The following KHDRBS2 variants were observed in gnomAD, a reference collection of about 807,000 sequenced individuals.
The protein encoded by KHDRBS2 is KH RNA binding domain containing, signal transduction associated 2.
A neutral mutation model predicts 44.3 loss-of-function variants in KHDRBS2; 26 were observed. That is an observed-to-expected ratio of 0.59 (90% CI 0.43 to 0.81). The LOEUF is 0.81. Ranked by LOEUF, KHDRBS2 falls within the 40% of genes least tolerant of loss-of-function variation. The pLI, the probability that KHDRBS2 is intolerant of heterozygous loss-of-function variation, is 0.00. For missense variants in KHDRBS2, 476 were observed against 433.1 expected (o/e 1.10, Z -0.88); for synonymous variants, 194 against 151.1 (o/e 1.28, Z -2.08).
chr6:62,093,473 C>T (rs775036933), intron 2 of KHDRBS2, among the ~76,000 whole-genome samples: 1 of 151,852 alleles, frequency 6.6e-6, no homozygotes, highest in Non-Finnish European at 1.5e-5. Flanking sequence ...AAACATTTAT[C>T]ATTTCTTTGT....
At chr6:62,262,022 TAA>T (rs1838428962) in intron 1 of KHDRBS2, among the ~76,000 whole-genome samples, 1 of 151,768 alleles carries the variant, frequency 6.6e-6, no homozygotes, top group African/African-American at 2.4e-5. Flanking sequence ...TGTAAGATAA[TAA>T]TTTCCATTGA....
chr6:61,850,791 T>A (rs898416478), intron 6 of KHDRBS2, among the ~76,000 whole-genome samples: 3 of 152,022 alleles, frequency 2.0e-5, no homozygotes, highest in African/African-American at 7.2e-5. Flanking sequence ...GAGACAGTCA[T>A]GAGATCTAGG....
intron 4 of KHDRBS2, among the ~76,000 whole-genome samples, chr6:61,967,179 G>GTA (rs1229687971): frequency 1.4e-5 from 2 of 141,800 alleles, no homozygotes; most frequent in Non-Finnish European, 3.0e-5. Context: ...TTAGATTGGA[G>GTA]TAGGATTTCT....
At chr6:62,097,194 C>A (rs1477946317) in intron 2 of KHDRBS2, among the ~76,000 whole-genome samples, 1 of 151,590 alleles carries the variant, frequency 6.6e-6, no homozygotes, top group Non-Finnish European at 1.5e-5. Flanking sequence ...GAGTAGAGTG[C>A]GTATTCTGAA....
the KHDRBS2 span, among the ~76,000 whole-genome samples, chr6:61,611,924 T>C: frequency 1.3e-5 from 2 of 152,182 alleles, no homozygotes; most frequent in Admixed American, 6.5e-5. Context: ...AGTGAGAACA[T>C]GCAGTATTCT....
At chr6:61,806,565 T>C (rs920571867) in intron 6 of KHDRBS2, among the ~76,000 whole-genome samples, 2 of 152,184 alleles carry the variant, frequency 1.3e-5, no homozygotes, top group Non-Finnish European at 2.9e-5. Flanking sequence ...GGACTTCATT[T>C]AAAATGAAGC....
chr6:62,274,639 G>A (rs1381940652), intron 1 of KHDRBS2, among the ~76,000 whole-genome samples: 1 of 151,922 alleles, frequency 6.6e-6, no homozygotes, highest in Non-Finnish European at 1.5e-5. Context: ...ACTGAATCCT[G>A]GTCATATTCT....
chr6:61,556,978 C>G, the KHDRBS2 span, among the ~76,000 whole-genome samples: 1 of 133,632 alleles, frequency 7.5e-6, no homozygotes, highest in South Asian at 2.4e-4. Context: ...TTTATTTATG[C>G]TGAGGTGTTA....
rs59418040 is a variant in KHDRBS2 at position 61,838,219 on chromosome 6, G to A, written c.810+56416C>T. On this transcript the variant is annotated intron_variant, in intron 6 of 8. Coordinates refer to ENST00000281156, the MANE Select transcript of KHDRBS2 (RefSeq NM_152688.4). ...GTGAAGTTAAAATTTGGGAATGCAA[G>A]TCCATTTTATTTAAAAAGCTTGTGT... Among the ~76,000 whole-genome samples, 635 of 152,066 alleles carry A rather than the reference G, an allele frequency of 4.2e-3. 8 individuals are homozygous for A. The highest frequency in any genetic ancestry group is 0.015 in the African/African-American group (610 of 41,526).
the KHDRBS2 span, among the ~76,000 whole-genome samples, chr6:61,618,863 A>G: frequency 2.6e-5 from 4 of 152,134 alleles, no homozygotes; most frequent in African/African-American, 9.7e-5. Flanking sequence ...TCCGATCTTA[A>G]TTGTTTTCCC....
chr6:61,561,593 C>T, the KHDRBS2 span, among the ~76,000 whole-genome samples: 8 of 152,152 alleles, frequency 5.3e-5, no homozygotes, highest in Non-Finnish European at 1.0e-4. Context: ...CCTTCCCTTT[C>T]CACAGGGAGA....
At chr6:61,772,583 G>A (rs564275829) in intron 6 of KHDRBS2, among the ~76,000 whole-genome samples, 2 of 152,126 alleles carry the variant, frequency 1.3e-5, no homozygotes, top group Non-Finnish European at 2.9e-5. Flanking sequence ...TAAATTCCTT[G>A]ACACATACAT....
intron 4 of KHDRBS2, among the ~76,000 whole-genome samples, chr6:61,973,911 G>T (rs1232565885): frequency 6.6e-6 from 1 of 151,732 alleles, no homozygotes; most frequent in Non-Finnish European, 1.5e-5. Flanking sequence ...ATGTCAATAG[G>T]ATAGTTATTG....
the KHDRBS2 span, among the ~76,000 whole-genome samples, chr6:61,583,630 G>C: frequency 6.6e-6 from 1 of 151,708 alleles, no homozygotes; most frequent in African/African-American, 2.4e-5. Context: ...AGCAAATCTG[G>C]AGTCAGGTAG....
the KHDRBS2 span, among the ~76,000 whole-genome samples, chr6:61,617,902 A>AT: frequency 6.6e-6 from 1 of 152,156 alleles, no homozygotes; most frequent in Non-Finnish European, 1.5e-5. Context: ...TAACATAAAA[A>AT]TTTTTTTAAA....
intron 3 of KHDRBS2, among the ~76,000 whole-genome samples, chr6:62,014,274 TTTTC>T (rs1780812991): frequency 6.6e-6 from 1 of 152,172 alleles, no homozygotes; most frequent in Non-Finnish European, 1.5e-5. Flanking sequence ...TACATTTAAA[TTTTC>T]TTTCTTATAG....
chr6:62,030,709 C>A (rs1242654919), intron 3 of KHDRBS2, among the ~76,000 whole-genome samples: 5 of 151,970 alleles, frequency 3.3e-5, no homozygotes, highest in African/African-American at 1.2e-4. Flanking sequence ...CTAAAAAATT[C>A]ATAGTCTTGT....
intron 7 of KHDRBS2, among the ~76,000 whole-genome samples, chr6:61,724,292 A>G (rs1394372971): frequency 1.3e-5 from 2 of 152,118 alleles, no homozygotes; most frequent in South Asian, 2.1e-4. Flanking sequence ...CACCAGGCCT[A>G]TATCACAAGA....
chr6:61,830,546 C>A (rs1791625204), intron 6 of KHDRBS2, among the ~76,000 whole-genome samples: 1 of 152,198 alleles, frequency 6.6e-6, no homozygotes, highest in South Asian at 2.1e-4. Flanking sequence ...TGCAATTCTG[C>A]ATTCATCATA....
Sources: allele counts gnomAD v4.1 joint callset (sites outside exome capture counted in the v4.1 genomes callset), GRCh38; gene constraint gnomAD v4.1.1; transcripts MANE v1.5; gene names NCBI Gene and HGNC (gene_info 2026-07-23, HGNC 2026-07-21).